The following CSTPP1 variants were observed in gnomAD, a reference collection of about 807,000 sequenced individuals.
CSTPP1 encodes UPF0705 protein C11orf49.
chr11:47,076,921 C>A, the CSTPP1 span, among the ~76,000 whole-genome samples: 4 of 137,350 alleles, frequency 2.9e-5, no homozygotes, highest in Admixed American at 2.2e-4. Context: ...GTTGAAAGAT[C>A]AAGAAATTAC....
the CSTPP1 span, among the ~76,000 whole-genome samples, chr11:47,085,503 G>T: frequency 2.0e-5 from 3 of 152,120 alleles, no homozygotes; most frequent in Non-Finnish European, 2.9e-5. Context: ...ATAAACACTG[G>T]TTCCAGGGAA....
chr11:47,039,701 C>T, the CSTPP1 span, among the ~76,000 whole-genome samples: 1 of 127,566 alleles, frequency 7.8e-6, no homozygotes, highest in Admixed American at 8.3e-5. Flanking sequence ...TAGCTGGGCG[C>T]GGTGGCGGGC....
chr11:47,016,938 G>T, the CSTPP1 span, among the ~76,000 whole-genome samples: 2 of 147,488 alleles, frequency 1.4e-5, no homozygotes, highest in Non-Finnish European at 3.0e-5. Flanking sequence ...CGCCTCCCAG[G>T]TTCACGCCAT....
the CSTPP1 span, among the ~76,000 whole-genome samples, chr11:47,023,083 T>G: frequency 1.3e-5 from 2 of 152,190 alleles, no homozygotes; most frequent in African/African-American, 2.4e-5. Flanking sequence ...TTCTAAGTGA[T>G]GCTAGTGCTG....
chr11:47,107,327 C>T, the CSTPP1 span, among the ~76,000 whole-genome samples: 1 of 152,144 alleles, frequency 6.6e-6, no homozygotes, highest in African/African-American at 2.4e-5. Flanking sequence ...CGATTGAGTC[C>T]TTTCATTTCC....
the CSTPP1 span, chr11:47,023,471 T>A: frequency 2.0e-5 from 3 of 152,536 alleles, no homozygotes; most frequent in African/African-American, 7.2e-5. Flanking sequence ...CTATTTTAAC[T>A]ATTTTTAAGT....
the CSTPP1 span, among the ~76,000 whole-genome samples, chr11:46,986,388 C>T: frequency 6.0e-5 from 9 of 149,204 alleles, no homozygotes; most frequent in African/African-American, 1.2e-4. Flanking sequence ...TACACCAGTA[C>T]GAAAATTTTC....
At chr11:46,953,002 G>A in the CSTPP1 span, among the ~76,000 whole-genome samples, 1 of 152,186 alleles carries the variant, frequency 6.6e-6, no homozygotes, top group African/African-American at 2.4e-5. Flanking sequence ...AGAGTGATTT[G>A]TAAGAGATTT....
the CSTPP1 span, among the ~76,000 whole-genome samples, chr11:46,967,266 G>A: frequency 6.6e-6 from 1 of 151,962 alleles, no homozygotes; most frequent in African/African-American, 2.4e-5. Flanking sequence ...TCATTTTTTT[G>A]TATATGAGTT....
At chr11:47,148,268 T>C in the CSTPP1 span, among the ~76,000 whole-genome samples, 3 of 152,072 alleles carry the variant, frequency 2.0e-5, no homozygotes, top group African/African-American at 2.4e-5. Context: ...CAAACAGACA[T>C]GGGGACACCC....
At chr11:47,071,491 C>A in the CSTPP1 span, among the ~76,000 whole-genome samples, 1 of 152,348 alleles carries the variant, frequency 6.6e-6, no homozygotes, top group Admixed American at 6.5e-5. Flanking sequence ...CTGTCAAAGT[C>A]TGTTGCTTTT....
the CSTPP1 span, among the ~76,000 whole-genome samples, chr11:47,151,012 G>A: frequency 6.6e-6 from 1 of 150,764 alleles, no homozygotes; most frequent in African/African-American, 2.4e-5. Flanking sequence ...TCAGCCTCTT[G>A]AGTAGCTGGG....
At chr11:47,086,572 CGAAG>C in the CSTPP1 span, among the ~76,000 whole-genome samples, 1 of 151,364 alleles carries the variant, frequency 6.6e-6, no homozygotes, top group Non-Finnish European at 1.5e-5. Flanking sequence ...GGACAGGAGG[CGAAG>C]GAAAAGGAAT....
the CSTPP1 span, chr11:47,161,536 C>G: frequency 3.7e-6 from 6 of 1,614,000 alleles, no homozygotes; most frequent in Admixed American, 6.7e-5. Flanking sequence ...CTTCCCGGAC[C>G]CCTCCCCGGG....
At chr11:47,039,047 C>T in the CSTPP1 span, among the ~76,000 whole-genome samples, 2 of 125,510 alleles carry the variant, frequency 1.6e-5, no homozygotes, top group East Asian at 4.3e-4. Flanking sequence ...AGACGCTCCT[C>T]ACTTTCCAGA....
the CSTPP1 span, among the ~76,000 whole-genome samples, chr11:46,997,888 G>C: frequency 6.6e-5 from 10 of 152,144 alleles, no homozygotes; most frequent in African/African-American, 2.4e-4. Flanking sequence ...TATTGCAGAG[G>C]AGCAAATGTA....
At chr11:47,059,659 C>T in the CSTPP1 span, among the ~76,000 whole-genome samples, 5 of 152,140 alleles carry the variant, frequency 3.3e-5, no homozygotes, top group Non-Finnish European at 5.9e-5. Context: ...GTATTTAACA[C>T]ATAATAAGGA....
chr11:47,053,619 CAAAAAA>C, the CSTPP1 span, among the ~76,000 whole-genome samples: 1 of 96,598 alleles, frequency 1.0e-5, no homozygotes, highest in African/African-American at 3.9e-5. Context: ...GACTCTGCCT[CAAAAAA>C]AAAAAAAAAG....
At chr11:46,937,998 C>T in the CSTPP1 span, among the ~76,000 whole-genome samples, 1 of 152,002 alleles carries the variant, frequency 6.6e-6, no homozygotes. Context: ...CCTCAGCCTC[C>T]CGAGTAGTTG....
Sources: gnomAD v4.1 joint callset for allele counts (sites outside exome capture counted in the v4.1 genomes callset) on GRCh38, gnomAD v4.1.1 for gene constraint, MANE v1.5 for transcripts, NCBI Gene and HGNC (gene_info 2026-07-23, HGNC 2026-07-21) for gene names.